Variants in STYK1 observed in about 807,000 individuals in gnomAD.
STYK1 encodes the protein tyrosine-protein kinase STYK1.
Under a neutral mutation model 48.1 loss-of-function variants are expected in STYK1, and 46 were observed. The ratio of observed to expected loss-of-function variants is 0.96; its 90% CI spans 0.75 to 1.22. The LOEUF (loss-of-function observed/expected upper bound fraction) is 1.22. Ranked by LOEUF, STYK1 falls within the 50% of genes most tolerant of loss-of-function variation. The pLI is 0.00. For synonymous variants in STYK1, 188 were observed against 189.0 expected (o/e 0.99, Z 0.04); for missense variants, 527 against 521.1 (o/e 1.01, Z -0.11).
chr12:10,639,552 T>G lies in STYK1; in HGVS notation c.-194-2356A>C, dbSNP rs549964121. On this transcript the variant is annotated intron_variant, in intron 1 of 10. Coordinates refer to ENST00000075503, the MANE Select transcript of STYK1 (RefSeq NM_018423.3). ...GCCTCAGCCTCCCAAATAGCTGGGA[T>G]TACAGGTGCATGCCACCACACCCAG... 3.3e-5 allele frequency among the ~76,000 whole-genome samples: 5 copies of G among 152,194 alleles called. No homozygotes were observed. The South Asian group carries it at 1.0e-3, about 32-fold the overall frequency.
Position 10,672,682 on chromosome 12 carries a change from G to A in STYK1, c.-195+1284C>T, listed in dbSNP as rs73265945. Reference sequence around the variant, plus strand: ...GAAACCATCTCCCGCCAACCTCATCGGCATCTGTGAAAAAAATTGTCTTCC... The same window carrying A: ...GAAACCATCTCCCGCCAACCTCATCAGCATCTGTGAAAAAAATTGTCTTCC... On this transcript the variant is annotated intron_variant, in intron 1 of 10. Coordinates refer to ENST00000075503, the MANE Select transcript of STYK1 (RefSeq NM_018423.3). The surrounding 1 kb of genome is among the most constrained non-coding windows in gnomAD (Gnocchi z 4.0). Among the ~76,000 whole-genome samples the A allele has an allele frequency of 6.6e-6, 1 of 152,042 alleles. No homozygotes were observed. Among genetic ancestry groups the A allele is most frequent in the African/African-American group, 2.4e-5 (1 of 41,370 alleles).
Position 10,624,646 on chromosome 12 carries a change from C to A in STYK1, c.926+5G>T. On this transcript the variant is annotated splice_donor_5th_base_variant and intron_variant, in intron 8 of 10. Transcript: ENST00000075503. ...GTAAACTCAGAGTCCAGGAATAAACCGTACACATCTGCTCTGATGCTAGCA... is the reference window on the plus strand; with the variant it reads ...GTAAACTCAGAGTCCAGGAATAAACAGTACACATCTGCTCTGATGCTAGCA... The A allele has an allele frequency of 1.9e-6, 3 of 1,613,384 alleles. No homozygotes were observed. Among genetic ancestry groups the A allele is most frequent in the Non-Finnish European group, 2.5e-6 (3 of 1,179,686 alleles).
intron 3 of STYK1, among the ~76,000 whole-genome samples, chr12:10,634,342 G>A (rs1282315853): frequency 2.6e-5 from 4 of 152,184 alleles, no homozygotes; most frequent in Middle Eastern, 3.4e-3. Context: ...TGTGCATGAC[G>A]TTGCTTCTGG....
intron 9 of STYK1, 138 bp downstream of exon 9, chr12:10,622,500 C>T: frequency 1.1e-6 from 1 of 901,756 alleles, no homozygotes; most frequent in Non-Finnish European, 1.7e-6. Flanking sequence ...GGGAATCAGG[C>T]TTAGATAACA....
chr12:10,656,495 G>A (rs1947719994), intron 1 of STYK1, among the ~76,000 whole-genome samples: 1 of 151,900 alleles, frequency 6.6e-6, no homozygotes, highest in Non-Finnish European at 1.5e-5. Context: ...CATGGTGGTG[G>A]GCACCTGTAG....
At chr12:10,642,664 G>T (rs1947558090) in intron 1 of STYK1, among the ~76,000 whole-genome samples, 1 of 152,262 alleles carries the variant, frequency 6.6e-6, no homozygotes, top group Non-Finnish European at 1.5e-5. Context: ...CAGAGAGGGA[G>T]TTAAAGTAAT....
intron 5 of STYK1, 32 bp downstream of exon 5, chr12:10,631,013 G>A (rs757005816): frequency 1.2e-6 from 2 of 1,608,076 alleles, no homozygotes; most frequent in Non-Finnish European, 1.7e-6. Context: ...TTACTGTTAG[G>A]GGAAGGGGGA....
chr12:10,666,698 A>T (rs767888941), intron 1 of STYK1, among the ~76,000 whole-genome samples: 1 of 152,176 alleles, frequency 6.6e-6, no homozygotes, highest in African/African-American at 2.4e-5. Context: ...CGTGATAGGA[A>T]TAAGTTCTCA....
At chr12:10,637,687 C>T (rs1425779365) in intron 1 of STYK1, among the ~76,000 whole-genome samples, 1 of 152,176 alleles carries the variant, frequency 6.6e-6, no homozygotes, top group African/African-American at 2.4e-5. Context: ...CCCACATATC[C>T]ATGAAAGCTA....
chr12:10,631,170 G>A lies in STYK1; in HGVS notation c.326C>T (p.Pro109Leu), dbSNP rs746426634. ...TTPALAKLQV[P>L]REQLSEVLEQ... Reference sequence around the variant, plus strand: ...CAGAACTTCAGAGAGTTGCTCCCGCGGCACCTGCAGCTTAGCCAGGGCAGG... The same window carrying A: ...CAGAACTTCAGAGAGTTGCTCCCGCAGCACCTGCAGCTTAGCCAGGGCAGG... Residue 109 changes from proline (P) to leucine (L), a missense_variant, in exon 5 of 11, where the codon CCG (proline) becomes CTG (leucine). Transcript: ENST00000075503. 1.1e-5 allele frequency: 18 copies of A among 1,614,018 alleles called. No homozygotes were observed. Among genetic ancestry groups the A allele is most frequent in the African/African-American group, 2.7e-5 (2 of 74,920 alleles).
intron 1 of STYK1, among the ~76,000 whole-genome samples, chr12:10,670,966 C>T (rs755929884): frequency 1.4e-4 from 21 of 148,254 alleles, no homozygotes; most frequent in Non-Finnish European, 2.5e-4. Context: ...ATGTCCATGT[C>T]CTAATCTCCA....
intron 1 of STYK1, among the ~76,000 whole-genome samples, chr12:10,665,954 T>C (rs75493476): frequency 0.026 from 4,012 of 152,310 alleles, 145 homozygotes; most frequent in African/African-American, 0.085. Context: ...ATAAGTCTTA[T>C]AGAATAAATC....
chr12:10,654,559 C>T (rs916639649), intron 1 of STYK1, among the ~76,000 whole-genome samples: 15 of 152,020 alleles, frequency 9.9e-5, no homozygotes, highest in South Asian at 2.1e-4. Context: ...AGGTAAGGGG[C>T]GGGGTATGTT....
rs188564485 is a variant in STYK1 at position 10,627,701 on chromosome 12, A to G, written c.657T>C (p.Leu219=). The G allele has an allele frequency of 3.3e-5, 54 of 1,613,606 alleles. No homozygotes were observed. In the East Asian group the frequency reaches 1.2e-3, roughly 35 times the overall value. ...CTTGTTTTTCTGTGAGATCATAGAG[A>G]AGACCATCCATAGTCATCACATCCT... ...CRRDVMTMDG[L]LYDLTEKQVY... Residue 219 remains leucine, a synonymous_variant, in exon 7 of 11, where the codon CTT becomes CTC. Coordinates refer to ENST00000075503, the MANE Select transcript of STYK1 (RefSeq NM_018423.3).
chr12:10,667,850 T>C (rs1947848854), intron 1 of STYK1, among the ~76,000 whole-genome samples: 1 of 152,118 alleles, frequency 6.6e-6, no homozygotes, highest in South Asian at 2.1e-4. Flanking sequence ...TAGGAGGTAG[T>C]ATTCACAATA....
intron 1 of STYK1, among the ~76,000 whole-genome samples, chr12:10,660,919 A>C (rs1443262932): frequency 6.6e-6 from 1 of 152,030 alleles, no homozygotes; most frequent in East Asian, 1.9e-4. Flanking sequence ...ATAATCAATA[A>C]ATAACTATAA....
At chr12:10,642,484 T>C (rs1235873150) in intron 1 of STYK1, among the ~76,000 whole-genome samples, 1 of 152,188 alleles carries the variant, frequency 6.6e-6, no homozygotes, top group Non-Finnish European at 1.5e-5. Flanking sequence ...CATCAATATG[T>C]GTTAGTCTCC....
chr12:10,642,336 G>A (rs751216772), intron 1 of STYK1, among the ~76,000 whole-genome samples: 2 of 152,130 alleles, frequency 1.3e-5, no homozygotes, highest in Non-Finnish European at 2.9e-5. Context: ...TGATGACTTT[G>A]TATAACGTAT....
intron 1 of STYK1, among the ~76,000 whole-genome samples, chr12:10,640,298 T>C (rs1947529425): frequency 6.6e-6 from 1 of 152,116 alleles, no homozygotes; most frequent in African/African-American, 2.4e-5. Context: ...GGCTCTACCG[T>C]TCTAGGGAAA....
Sources: allele counts gnomAD v4.1 joint callset (sites outside exome capture counted in the v4.1 genomes callset), GRCh38; gene constraint gnomAD v4.1.1; non-coding constraint Gnocchi (gnomAD v3.1); transcripts MANE v1.5; gene names NCBI Gene and HGNC (gene_info 2026-07-23, HGNC 2026-07-21).